Variants in GPC5 observed in about 807,000 individuals in gnomAD.
GPC5 encodes glypican-5.
In GPC5, 47 loss-of-function variants were observed where a neutral mutation model predicts 53.9. The ratio of observed to expected loss-of-function variants is 0.87; its 90% CI spans 0.69 to 1.11. GPC5 has a LOEUF of 1.11. Among genes scored for constraint, GPC5 ranks in the 50% most tolerant of loss-of-function variants. GPC5 has a pLI of 0.00. For synonymous variants in GPC5, 286 were observed against 263.3 expected (o/e 1.09, Z -0.84); for missense variants, 748 against 713.1 (o/e 1.05, Z -0.56).
chr13:91,620,960 G>A (rs1035544179), intron 2 of GPC5, among the ~76,000 whole-genome samples: 2 of 152,134 alleles, frequency 1.3e-5, no homozygotes, highest in African/African-American at 4.8e-5. Flanking sequence ...CATTTCTGGA[G>A]AATCTCCAGG....
intron 5 of GPC5, among the ~76,000 whole-genome samples, chr13:91,814,228 G>A (rs1336891639): frequency 2.0e-5 from 3 of 152,056 alleles, no homozygotes; most frequent in Admixed American, 2.0e-4. Context: ...CACTGCGCCC[G>A]GCTAACTGAA....
At chr13:92,548,011 T>G (rs887075608) in intron 7 of GPC5, among the ~76,000 whole-genome samples, 13 of 149,662 alleles carry the variant, frequency 8.7e-5, no homozygotes, top group Non-Finnish European at 1.6e-4. Context: ...TTTTTTTTTT[T>G]TGTATTTTTA....
intron 2 of GPC5, among the ~76,000 whole-genome samples, chr13:91,466,254 G>A (rs1052647996): frequency 2.0e-5 from 3 of 152,162 alleles, no homozygotes; most frequent in Non-Finnish European, 4.4e-5. Flanking sequence ...GGTGATGTGG[G>A]TCTCTACAGC....
chr13:92,623,050 C>G (rs2139117926), intron 7 of GPC5, among the ~76,000 whole-genome samples: 1 of 151,856 alleles, frequency 6.6e-6, no homozygotes, highest in African/African-American at 2.4e-5. Context: ...ACTTTGGTCC[C>G]AGCTACTAGG....
intron 6 of GPC5, among the ~76,000 whole-genome samples, chr13:91,920,713 C>T (rs776878396): frequency 4.6e-5 from 7 of 152,072 alleles, no homozygotes; most frequent in Admixed American, 1.3e-4. Flanking sequence ...AAAAAACAGG[C>T]ATCAGATTTG....
chr13:92,168,551 C>T (rs1377937914), intron 7 of GPC5, among the ~76,000 whole-genome samples: 2 of 152,056 alleles, frequency 1.3e-5, no homozygotes, highest in Non-Finnish European at 2.9e-5. Context: ...TCTTGAAAGA[C>T]ATTTATGTAA....
rs138295071 is a variant in GPC5, at chr13:91,634,726, TATG to T, written c.326-58460_326-58458del. Among the ~76,000 whole-genome samples, 43 of 152,186 alleles carry T rather than the reference TATG, an allele frequency of 2.8e-4. No individual in the cohort carries two copies. The East Asian group carries it at 8.3e-3, about 29-fold the overall frequency. ...AGTTTTATATACCAGTATTACCAATTATGTGAGCATCGTGATGGCTATAGGGCT... is the reference window on the plus strand; with the variant it reads ...AGTTTTATATACCAGTATTACCAATTTGAGCATCGTGATGGCTATAGGGCT... On this transcript the variant is annotated intron_variant, in intron 2 of 7. Transcript: ENST00000377067.
chr13:92,173,485 A>T (rs985110111), intron 7 of GPC5, among the ~76,000 whole-genome samples: 1 of 152,294 alleles, frequency 6.6e-6, no homozygotes, highest in African/African-American at 2.4e-5. Context: ...CTCAGTGGGG[A>T]GTCTGGCACC....
intron 7 of GPC5, among the ~76,000 whole-genome samples, chr13:92,289,945 C>G (rs2042981993): frequency 6.6e-6 from 1 of 152,228 alleles, no homozygotes; most frequent in African/African-American, 2.4e-5. Flanking sequence ...TTTTGTTATA[C>G]CAAACCTTAT....
intron 7 of GPC5, among the ~76,000 whole-genome samples, chr13:92,444,493 G>A (rs1044264726): frequency 5.3e-5 from 8 of 152,040 alleles, no homozygotes; most frequent in Non-Finnish European, 8.8e-5. Flanking sequence ...AATCACTGTG[G>A]TTGAGAAGGT....
intron 7 of GPC5, among the ~76,000 whole-genome samples, chr13:92,552,004 A>G (rs1882334652): frequency 6.6e-6 from 1 of 151,940 alleles, no homozygotes. Flanking sequence ...CTTCTCTGAG[A>G]TGTTACTGTG....
At position 92,082,622 on chromosome 13, in the gene GPC5, A is replaced by C. The variant is rs192351980; in HGVS notation, c.1402-62208A>C. Reference sequence around the variant, plus strand: ...TTGCTCACAATTTTAATGCCTCAGCATTAAAGCTAAAAAGGAAAAGGGTAT... The same window carrying C: ...TTGCTCACAATTTTAATGCCTCAGCCTTAAAGCTAAAAAGGAAAAGGGTAT... On this transcript the variant is annotated intron_variant, in intron 6 of 7. Transcript: ENST00000377067. 4.6e-5 allele frequency among the ~76,000 whole-genome samples: 7 copies of C among 152,328 alleles called. No homozygotes were observed. The East Asian group carries it at 1.2e-3, about 25-fold the overall frequency.
In GPC5 at chr13:92,126,696, A is replaced by G. The variant is rs146775161; in HGVS notation, c.1402-18134A>G. Among the ~76,000 whole-genome samples, 473 of 152,292 alleles carry G rather than the reference A, an allele frequency of 3.1e-3. 3 individuals carry two copies. Among genetic ancestry groups the G allele is most frequent in the South Asian group, 0.011 (51 of 4,828 alleles). On this transcript the variant is annotated intron_variant, in intron 6 of 7. Transcript: ENST00000377067. ...GGCCCTGGACAGGAAATGTTTGTCA[A>G]TCTCTGGTCTCCATCATAAAATGGA... is the stretch of plus-strand genomic sequence containing the variant.
intron 6 of GPC5, among the ~76,000 whole-genome samples, chr13:91,998,327 A>G (rs1326201419): frequency 6.6e-6 from 1 of 152,240 alleles, no homozygotes; most frequent in Non-Finnish European, 1.5e-5. Context: ...CTTCAAGATT[A>G]TCTTGGCCTG....
chr13:91,535,654 GA>G (rs1886556468), intron 2 of GPC5, among the ~76,000 whole-genome samples: 2 of 152,002 alleles, frequency 1.3e-5, no homozygotes, highest in African/African-American at 4.8e-5. Flanking sequence ...TCTTTTAATG[GA>G]AAATCAAACA....
At chr13:92,077,260 T>A (rs182361050) in intron 6 of GPC5, among the ~76,000 whole-genome samples, 1 of 152,332 alleles carries the variant, frequency 6.6e-6, no homozygotes, top group Non-Finnish European at 1.5e-5. Context: ...CGGTCACTCA[T>A]ATATGGCTCA....
At chr13:92,231,965 CA>C (rs1316218766) in intron 7 of GPC5, among the ~76,000 whole-genome samples, 12 of 152,110 alleles carry the variant, frequency 7.9e-5, no homozygotes, top group African/African-American at 2.7e-4. Context: ...AACTCCATCT[CA>C]AAAAACAAAA....
intron 3 of GPC5, among the ~76,000 whole-genome samples, chr13:91,718,262 C>CACCA (rs2036388271): frequency 6.6e-6 from 1 of 152,152 alleles, no homozygotes; most frequent in Admixed American, 6.5e-5. Flanking sequence ...AGGCGTCTGC[C>CACCA]ACCACGCGTG....
intron 2 of GPC5, among the ~76,000 whole-genome samples, chr13:91,668,935 T>C (rs927228994): frequency 1.3e-5 from 2 of 152,194 alleles, no homozygotes; most frequent in Non-Finnish European, 2.9e-5. Context: ...AAAATAGGCA[T>C]CAGGGTAAAA....
Sources: allele counts gnomAD v4.1 joint callset (sites outside exome capture counted in the v4.1 genomes callset), GRCh38; gene constraint gnomAD v4.1.1; transcripts MANE v1.5; gene names NCBI Gene and HGNC (gene_info 2026-07-23, HGNC 2026-07-21).